The following NELL1 variants were observed in gnomAD, a reference collection of about 807,000 sequenced individuals.
NELL1 encodes the protein neural EGFL like 1, also known as protein kinase C-binding protein NELL1.
NELL1 carries 76 observed loss-of-function variants against 107.4 expected under a neutral mutation model. That is an observed-to-expected ratio of 0.71 (90% CI 0.59 to 0.86). The LOEUF (loss-of-function observed/expected upper bound fraction) is 0.86. Ranked by LOEUF, NELL1 falls within the 40% of genes least tolerant of loss-of-function variation. The pLI, the probability that NELL1 is intolerant of heterozygous loss-of-function variation, is 0.00. For missense variants in NELL1, 1,024 were observed against 1,005.5 expected, an observed-to-expected ratio of 1.02 and a Z score of -0.25; for synonymous variants, 353 against 341.2, an observed-to-expected ratio of 1.03 and a Z score of -0.38.
At chr11:21,396,357 TAA>T (rs750043557) in intron 15 of NELL1, among the ~76,000 whole-genome samples, 1 of 151,516 alleles carries the variant, frequency 6.6e-6, no homozygotes, top group African/African-American at 2.4e-5. Context: ...GCAAAAAATA[TAA>T]AAGAATCTAT....
chr11:21,430,034 TG>T (rs1852927999), intron 15 of NELL1, among the ~76,000 whole-genome samples: 1 of 152,214 alleles, frequency 6.6e-6, no homozygotes, highest in Non-Finnish European at 1.5e-5. Flanking sequence ...ACTTGTTATA[TG>T]TTCACCTCTT....
chr11:21,472,849 TCTTCTTTCCTTC>T (rs991298669), intron 15 of NELL1, among the ~76,000 whole-genome samples: 10 of 151,798 alleles, frequency 6.6e-5, no homozygotes, highest in Middle Eastern at 3.2e-3. Context: ...CTTCCCTTCC[TCTTCTTTCCTTC>T]CTTCTTTCCT....
chr11:20,993,906 A>C (rs528908383), intron 12 of NELL1, among the ~76,000 whole-genome samples: 2 of 152,100 alleles, frequency 1.3e-5, no homozygotes, highest in African/African-American at 4.8e-5. Flanking sequence ...AAAAAAAAAA[A>C]AAAAATCAGT....
chr11:21,016,198 C>T (rs1027309422), intron 12 of NELL1, among the ~76,000 whole-genome samples: 3 of 152,100 alleles, frequency 2.0e-5, no homozygotes, highest in Admixed American at 2.0e-4. Flanking sequence ...AGTGTAATAA[C>T]ATGCTTTGTT....
intron 2 of NELL1, among the ~76,000 whole-genome samples, chr11:20,678,352 T>C (rs1010282297): frequency 6.6e-6 from 1 of 152,186 alleles, no homozygotes; most frequent in African/African-American, 2.4e-5. Context: ...TCTATATTAT[T>C]GTTACAGGAC....
At chr11:21,246,645 T>A (rs1858500093) in intron 14 of NELL1, among the ~76,000 whole-genome samples, 1 of 152,208 alleles carries the variant, frequency 6.6e-6, no homozygotes, top group African/African-American at 2.4e-5. Flanking sequence ...TACTTAATAT[T>A]TGAGGCAATT....
At chr11:20,817,985 G>A (rs1857660291) in intron 3 of NELL1, among the ~76,000 whole-genome samples, 1 of 151,930 alleles carries the variant, frequency 6.6e-6, no homozygotes, top group African/African-American at 2.4e-5. Context: ...AGTATCATTG[G>A]TATGACTTGC....
intron 2 of NELL1, among the ~76,000 whole-genome samples, chr11:20,735,920 A>G (rs898902182): frequency 6.6e-6 from 1 of 152,108 alleles, no homozygotes; most frequent in Non-Finnish European, 1.5e-5. Flanking sequence ...ATGATGCAGT[A>G]GAGGGGTTGC....
At chr11:21,030,622 A>ATTTTTTTTTTTT (rs201033870) in intron 12 of NELL1, among the ~76,000 whole-genome samples, 32 of 120,124 alleles carry the variant, frequency 2.7e-4, no homozygotes, top group South Asian at 2.8e-4. Context: ...ATTTTCTTGT[A>ATTTTTTTTTTTT]TTTTTTTTTT....
intron 2 of NELL1, among the ~76,000 whole-genome samples, chr11:20,748,637 T>C (rs997217998): frequency 9.2e-5 from 14 of 152,304 alleles, no homozygotes; most frequent in African/African-American, 2.9e-4. Context: ...TATCTCTCAC[T>C]TATAAGTAAG....
rs1853514023 is a variant in NELL1 at position 21,052,380 on chromosome 11, G to A, written c.1301-61209G>A. ...ATCAGTGTGGCAAGCGGGGAGGCAGGCAGATCACTTAGGAGGCTCCTAGAA... is the reference window on the plus strand; with the variant it reads ...ATCAGTGTGGCAAGCGGGGAGGCAGACAGATCACTTAGGAGGCTCCTAGAA... On this transcript the variant is annotated intron_variant, in intron 12 of 19. Coordinates refer to ENST00000357134, the MANE Select transcript of NELL1 (RefSeq NM_006157.5). Among the ~76,000 whole-genome samples the A allele has an allele frequency of 2.0e-5, 3 of 152,132 alleles. No homozygotes were observed. The South Asian group carries it at 6.2e-4, about 32-fold the overall frequency.
At chr11:20,910,243 T>C (rs1387587461) in intron 5 of NELL1, among the ~76,000 whole-genome samples, 2 of 152,176 alleles carry the variant, frequency 1.3e-5, no homozygotes, top group Non-Finnish European at 2.9e-5. Context: ...GTAGAGTAGA[T>C]GTTCACAAGA....
chr11:21,536,307 T>C (rs1856136212), intron 16 of NELL1, among the ~76,000 whole-genome samples: 1 of 152,180 alleles, frequency 6.6e-6, no homozygotes. Context: ...CCTATCTTTG[T>C]GTCTATGTGT....
chr11:20,798,022 A>G (rs1590304307), intron 3 of NELL1, among the ~76,000 whole-genome samples: 1 of 152,240 alleles, frequency 6.6e-6, no homozygotes, highest in South Asian at 2.1e-4. Flanking sequence ...GAGACAAGAC[A>G]TCTGGATTCT....
chr11:20,894,042 A>C (rs1461024766), intron 5 of NELL1, among the ~76,000 whole-genome samples: 1 of 152,120 alleles, frequency 6.6e-6, no homozygotes, highest in African/African-American at 2.4e-5. Context: ...TGGATGGCCT[A>C]CTCACTACAG....
chr11:21,247,280 A>G (rs1858517624), intron 14 of NELL1, among the ~76,000 whole-genome samples: 1 of 152,158 alleles, frequency 6.6e-6, no homozygotes, highest in East Asian at 1.9e-4. Flanking sequence ...ACTTTAGCTT[A>G]TTATACCTTT....
intron 16 of NELL1, among the ~76,000 whole-genome samples, chr11:21,548,242 T>G (rs1346696131): frequency 1.3e-5 from 2 of 151,944 alleles, no homozygotes; most frequent in Non-Finnish European, 2.9e-5. Flanking sequence ...GATAGAGGCA[T>G]GATTTAATCA....
At chr11:21,166,302 G>T (rs1377937691) in intron 13 of NELL1, among the ~76,000 whole-genome samples, 1 of 151,562 alleles carries the variant, frequency 6.6e-6, no homozygotes, top group Non-Finnish European at 1.5e-5. Flanking sequence ...TAGTTGGAAA[G>T]AATAAATAAG....
At chr11:20,922,575 C>T (rs1234351676) in intron 7 of NELL1, among the ~76,000 whole-genome samples, 2 of 151,888 alleles carry the variant, frequency 1.3e-5, no homozygotes, top group Admixed American at 6.6e-5. Flanking sequence ...TATCTGGGCC[C>T]AGTCTTTATT....
Sources: allele counts gnomAD v4.1 joint callset (sites outside exome capture counted in the v4.1 genomes callset), GRCh38; gene constraint gnomAD v4.1.1; transcripts MANE v1.5; gene names NCBI Gene and HGNC (gene_info 2026-07-23, HGNC 2026-07-21).